The following CADM2 variants were observed in gnomAD, a reference collection of about 807,000 sequenced individuals.
CADM2 encodes the protein cell adhesion molecule 2, also known as immunoglobulin superfamily member 4D.
CADM2 carries 12 observed loss-of-function variants against 49.8 expected under a neutral mutation model. The observed-to-expected ratio is 0.24, with a 90% CI of 0.15 to 0.39. CADM2 has a LOEUF of 0.39. Among genes scored for constraint, CADM2 ranks in the 10% least tolerant of loss-of-function variants. The pLI, the probability that CADM2 is intolerant of heterozygous loss-of-function variation, is 1.00. For synonymous variants in CADM2, 214 were observed against 175.4 expected (o/e 1.22, Z -1.74); for missense variants, 378 against 492.3 (o/e 0.77, Z 2.20).
intron 1 of CADM2, among the ~76,000 whole-genome samples, chr3:85,541,530 A>G (rs1166520554): frequency 6.6e-6 from 1 of 150,420 alleles, no homozygotes; most frequent in East Asian, 2.0e-4. Context: ...TAGGTACATT[A>G]CTACAGGATA....
intron 1 of CADM2, among the ~76,000 whole-genome samples, chr3:84,993,649 G>T (rs2107186728): frequency 6.6e-6 from 1 of 152,260 alleles, no homozygotes; most frequent in African/African-American, 2.4e-5. Flanking sequence ...AAATTTGAAA[G>T]CCATTAGCAG....
At chr3:85,442,412 A>T (rs1412448589) in intron 1 of CADM2, among the ~76,000 whole-genome samples, 2 of 151,848 alleles carry the variant, frequency 1.3e-5, no homozygotes, top group African/African-American at 4.8e-5. Context: ...AATCCTGCAA[A>T]GATGTCAAGG....
chr3:85,207,651 A>G (rs1322031296), intron 1 of CADM2, among the ~76,000 whole-genome samples: 1 of 152,158 alleles, frequency 6.6e-6, no homozygotes, highest in Non-Finnish European at 1.5e-5. Flanking sequence ...AAGGACTAAT[A>G]TGTATGATTT....
intron 1 of CADM2, among the ~76,000 whole-genome samples, chr3:85,314,322 T>C (rs1291028908): frequency 6.6e-6 from 1 of 152,208 alleles, no homozygotes; most frequent in Admixed American, 6.5e-5. Context: ...TGCACGTTTT[T>C]TTCTTATTAA....
At chr3:85,320,626 A>G (rs889173041) in intron 1 of CADM2, among the ~76,000 whole-genome samples, 3 of 152,158 alleles carry the variant, frequency 2.0e-5, no homozygotes, top group African/African-American at 7.2e-5. Flanking sequence ...ATACGCATTT[A>G]TATTGAGACA....
chr3:85,288,790 C>CCCCA (rs2043701327), intron 1 of CADM2, among the ~76,000 whole-genome samples: 1 of 132,732 alleles, frequency 7.5e-6, no homozygotes, highest in East Asian at 2.6e-4. Context: ...ATATGCCCCC[C>CCCCA]CCCCCTCTTT....
At chr3:85,393,089 T>TAAAAAAA (rs781046665) in intron 1 of CADM2, among the ~76,000 whole-genome samples, 1 of 128,394 alleles carries the variant, frequency 7.8e-6, no homozygotes, top group Non-Finnish European at 1.6e-5. Context: ...GTAAACTCTT[T>TAAAAAAA]AAAAAAAAAA....
At chr3:86,031,117 C>T (rs539619293) in intron 8 of CADM2, among the ~76,000 whole-genome samples, 1 of 151,804 alleles carries the variant, frequency 6.6e-6, no homozygotes, top group African/African-American at 2.4e-5. Context: ...GGTTCAATAG[C>T]ATGGATTAAA....
intron 1 of CADM2, among the ~76,000 whole-genome samples, chr3:85,678,821 G>T (rs1247168948): frequency 6.6e-6 from 1 of 152,120 alleles, no homozygotes; most frequent in Non-Finnish European, 1.5e-5. Context: ...GATCTCAACT[G>T]GGGTGAATTT....
chr3:85,885,243 T>C (rs943960172), intron 4 of CADM2, among the ~76,000 whole-genome samples: 22 of 151,922 alleles, frequency 1.4e-4, no homozygotes, highest in African/African-American at 5.1e-4. Flanking sequence ...ACAGGTAAAA[T>C]TTTACAAATG....
intron 1 of CADM2, among the ~76,000 whole-genome samples, chr3:85,604,411 A>C (rs545699524): frequency 6.6e-6 from 1 of 152,052 alleles, no homozygotes; most frequent in South Asian, 2.1e-4. Flanking sequence ...ATTCCTAAAG[A>C]CTACAAGTAG....
intron 1 of CADM2, among the ~76,000 whole-genome samples, chr3:85,572,912 A>T (rs1226542677): frequency 1.3e-5 from 2 of 152,162 alleles, no homozygotes; most frequent in Non-Finnish European, 2.9e-5. Context: ...GACACACCCC[A>T]AAGTAATACT....
At chr3:85,565,487 A>C (rs2062230078) in intron 1 of CADM2, among the ~76,000 whole-genome samples, 1 of 152,092 alleles carries the variant, frequency 6.6e-6, no homozygotes, top group African/African-American at 2.4e-5. Context: ...AAATATTAAT[A>C]AAACCATCTT....
rs183869977 is a variant in CADM2 at position 86,053,408 on chromosome 3, C to T, written c.971-12197C>T. The stretch of plus-strand genomic sequence containing the variant: ...TTTTGGTCATTTTGGAAAATAGGTT[C>T]TGGATTGGGAGATGCGGAAGAAACC... On this transcript the variant is annotated intron_variant, in intron 8 of 9. Transcript: ENST00000383699. 4.2e-3 allele frequency among the ~76,000 whole-genome samples: 635 copies of T among 152,174 alleles called. 2 individuals carry two copies. Among genetic ancestry groups the T allele is most frequent in the Non-Finnish European group, 7.6e-3 (514 of 67,998 alleles).
In CADM2 at chr3:86,032,138, T is replaced by C. The variant is rs376464848; in HGVS notation, c.971-33467T>C. On this transcript the variant is annotated intron_variant, in intron 8 of 9. Coordinates refer to ENST00000383699, the MANE Select transcript of CADM2 (RefSeq NM_001167675.2). Reference sequence around the variant, plus strand: ...GATGGACACTGATTTAATACACCAATTAAATGAGCAACATATAGACTCTTA... The same window carrying C: ...GATGGACACTGATTTAATACACCAACTAAATGAGCAACATATAGACTCTTA... Among the ~76,000 whole-genome samples, 4 of 151,948 alleles carry C rather than the reference T, an allele frequency of 2.6e-5. No individual in the cohort carries two copies. The East Asian group carries it at 7.7e-4, about 29-fold the overall frequency.
chr3:85,747,439 C>T (rs2107845911), intron 2 of CADM2, among the ~76,000 whole-genome samples: 1 of 151,912 alleles, frequency 6.6e-6, no homozygotes, highest in South Asian at 2.1e-4. Flanking sequence ...AATTGTCTGC[C>T]CTCCAATTAG....
chr3:85,429,921 T>C (rs2036587532), intron 1 of CADM2, among the ~76,000 whole-genome samples: 1 of 152,146 alleles, frequency 6.6e-6, no homozygotes, highest in Non-Finnish European at 1.5e-5. Flanking sequence ...AAATACTATC[T>C]GGCTCCTTTT....
intron 1 of CADM2, among the ~76,000 whole-genome samples, chr3:85,122,670 A>C (rs1042036639): frequency 4.6e-5 from 7 of 151,988 alleles, no homozygotes; most frequent in Non-Finnish European, 1.0e-4. Flanking sequence ...TTATTTATTT[A>C]TAGCCAAACA....
intron 1 of CADM2, among the ~76,000 whole-genome samples, chr3:85,024,273 A>G (rs886757467): frequency 6.6e-6 from 1 of 152,100 alleles, no homozygotes; most frequent in African/African-American, 2.4e-5. Context: ...ACTTTCAGAT[A>G]TATTCTTTGA....
Sources: allele counts gnomAD v4.1 joint callset (sites outside exome capture counted in the v4.1 genomes callset), GRCh38; gene constraint gnomAD v4.1.1; transcripts MANE v1.5; gene names NCBI Gene and HGNC (gene_info 2026-07-23, HGNC 2026-07-21).